The following GRAMD1B variants were observed in gnomAD, a reference collection of about 807,000 sequenced individuals.
GRAMD1B encodes the protein protein Aster-B.
GRAMD1B carries 37 observed loss-of-function variants against 99.7 expected under a neutral mutation model. The ratio of observed to expected loss-of-function variants is 0.37; its 90% CI spans 0.29 to 0.49. The LOEUF is 0.49. Ranked by LOEUF, GRAMD1B falls within the 20% of genes least tolerant of loss-of-function variation. GRAMD1B has a pLI of 0.98. For missense variants in GRAMD1B, 888 were observed against 1,009.2 expected, an observed-to-expected ratio of 0.88 and a Z score of 1.63; for synonymous variants, 427 against 387.6, an observed-to-expected ratio of 1.10 and a Z score of -1.19.
chr11:123,423,305 G>T (rs995464292), intron 1 of GRAMD1B, among the ~76,000 whole-genome samples: 1 of 149,202 alleles, frequency 6.7e-6, no homozygotes, highest in Non-Finnish European at 1.5e-5. Flanking sequence ...AACCCCAAAT[G>T]TTCCCTCTCC....
intron 2 of GRAMD1B, among the ~76,000 whole-genome samples, chr11:123,561,476 G>A (rs966154628): frequency 4.6e-5 from 7 of 152,232 alleles, no homozygotes; most frequent in Non-Finnish European, 8.8e-5. Context: ...AGCATTTGGC[G>A]CAGAGATTTG....
Position 123,422,715 on chromosome 11 carries a change from T to C in GRAMD1B, c.-175-58101T>C, listed in dbSNP as rs142513749. On this transcript the variant is annotated intron_variant, in intron 1 of 20. Transcript: ENST00000638157. ...AGCGATCAAACCATGCTTTCTTTTA[T>C]GCCTCAATGCCTCTGCACATGTGGG... is the stretch of plus-strand genomic sequence containing the variant. Among the ~76,000 whole-genome samples, 52 of 152,348 alleles carry C rather than the reference T, an allele frequency of 3.4e-4. No homozygotes were observed. The East Asian group carries it at 9.1e-3, about 27-fold the overall frequency.
At chr11:123,617,278 G>T (rs1428552190) in intron 17 of GRAMD1B, among the ~76,000 whole-genome samples, 1 of 151,314 alleles carries the variant, frequency 6.6e-6, no homozygotes, top group Non-Finnish European at 1.5e-5. Flanking sequence ...CCCCTTCCCG[G>T]GCTCAAGCAA....
At chr11:123,491,601 A>G (rs1427463080) in intron 2 of GRAMD1B, 1 of 323,118 alleles carries the variant, frequency 3.1e-6, no homozygotes, top group African/African-American at 2.1e-5. Context: ...GGAGGGCTTC[A>G]TTTGGAGCTG....
At chr11:123,504,866 G>A (rs1453200205) in intron 2 of GRAMD1B, among the ~76,000 whole-genome samples, 1 of 152,060 alleles carries the variant, frequency 6.6e-6, no homozygotes, top group Non-Finnish European at 1.5e-5. Context: ...ATTTTTAGTA[G>A]AGATGGGGTT....
At chr11:123,516,879 A>G (rs74577084) in intron 2 of GRAMD1B, among the ~76,000 whole-genome samples, 4,614 of 152,270 alleles carry the variant, frequency 0.03, 236 homozygotes, top group African/African-American at 0.11. Flanking sequence ...TTGAAATATC[A>G]TTGTGATTTG....
chr11:123,609,050 G>A (rs528528518), intron 12 of GRAMD1B, among the ~76,000 whole-genome samples: 12 of 151,958 alleles, frequency 7.9e-5, no homozygotes, highest in African/African-American at 2.9e-4. Flanking sequence ...ACTCGATGCC[G>A]GCCCCTAAGA....
intron 1 of GRAMD1B, among the ~76,000 whole-genome samples, chr11:123,384,777 G>C (rs774310634): frequency 6.6e-5 from 10 of 152,054 alleles, no homozygotes; most frequent in Non-Finnish European, 1.2e-4. Context: ...TCTTTCTTTG[G>C]ACTCTAGATC....
chr11:123,389,020 A>G (rs1947176195), intron 1 of GRAMD1B, among the ~76,000 whole-genome samples: 1 of 152,112 alleles, frequency 6.6e-6, no homozygotes, highest in African/African-American at 2.4e-5. Flanking sequence ...TGTGCTGACA[A>G]TGGCACATTA....
At chr11:123,440,474 A>C (rs1435636788) in intron 1 of GRAMD1B, among the ~76,000 whole-genome samples, 1 of 152,142 alleles carries the variant, frequency 6.6e-6, no homozygotes, top group Non-Finnish European at 1.5e-5. Flanking sequence ...GCGCCACTGC[A>C]CTCCAGCCTG....
chr11:123,363,580 G>GTTTT (rs1946218993), intron 1 of GRAMD1B, among the ~76,000 whole-genome samples: 2 of 148,530 alleles, frequency 1.3e-5, no homozygotes, highest in African/African-American at 5.2e-5. Flanking sequence ...CTTTTTTTTT[G>GTTTT]TTTGTTTTTT....
chr11:123,369,876 C>A (rs1373403796), intron 1 of GRAMD1B, among the ~76,000 whole-genome samples: 1 of 149,102 alleles, frequency 6.7e-6, no homozygotes, highest in Non-Finnish European at 1.5e-5. Flanking sequence ...ACAGTGAGAC[C>A]CTGTCTCAAA....
intron 2 of GRAMD1B, among the ~76,000 whole-genome samples, chr11:123,539,592 A>G (rs1944307817): frequency 6.6e-6 from 1 of 152,060 alleles, no homozygotes; most frequent in Non-Finnish European, 1.5e-5. Flanking sequence ...ACAGAGAGAG[A>G]CCCTGTCTCA....
At chr11:123,571,983 G>A (rs1196336847) in intron 2 of GRAMD1B, among the ~76,000 whole-genome samples, 3 of 152,022 alleles carry the variant, frequency 2.0e-5, no homozygotes, top group Non-Finnish European at 4.4e-5. Flanking sequence ...ATATTAACAC[G>A]GGAAGAATAG....
intron 1 of GRAMD1B, among the ~76,000 whole-genome samples, chr11:123,366,956 C>A (rs1402941070): frequency 6.6e-6 from 1 of 152,176 alleles, no homozygotes; most frequent in Non-Finnish European, 1.5e-5. Flanking sequence ...GTAATCCCAG[C>A]AATTTGGGAG....
intron 19 of GRAMD1B, chr11:123,619,559 C>A (rs1954863672): frequency 1.7e-6 from 2 of 1,180,308 alleles, no homozygotes; most frequent in Non-Finnish European, 1.1e-6. Flanking sequence ...CCCCTCAGCC[C>A]TTTTACAGAG....
chr11:123,479,964 T>A (rs192709603), intron 1 of GRAMD1B, among the ~76,000 whole-genome samples: 155 of 152,310 alleles, frequency 1.0e-3, no homozygotes, highest in African/African-American at 3.7e-3. Context: ...AGATTGAGCC[T>A]AGAGTTTCTA....
At chr11:123,606,399 C>T (rs146916554) in intron 10 of GRAMD1B, among the ~76,000 whole-genome samples, 7 of 152,298 alleles carry the variant, frequency 4.6e-5, no homozygotes, top group Non-Finnish European at 8.8e-5. Context: ...GTTGGAATGG[C>T]GAGCGTGAGA....
chr11:123,540,330 T>C (rs914770033), intron 2 of GRAMD1B, among the ~76,000 whole-genome samples: 10 of 152,302 alleles, frequency 6.6e-5, no homozygotes, highest in African/African-American at 2.4e-4. Context: ...TCCACTCACC[T>C]TGGGCTCCCA....
Sources: gnomAD v4.1 joint callset for allele counts (sites outside exome capture counted in the v4.1 genomes callset) on GRCh38, gnomAD v4.1.1 for gene constraint, MANE v1.5 for transcripts, NCBI Gene and HGNC (gene_info 2026-07-23, HGNC 2026-07-21) for gene names.